OFD1: variants seen among roughly 807,000 people sequenced by gnomAD.
The protein encoded by OFD1 is centriole and centriolar satellite protein OFD1.
OFD1 carries 12 observed loss-of-function variants against 81.4 expected under a neutral mutation model. That is an observed-to-expected ratio of 0.15 (90% CI 0.09 to 0.24). The LOEUF (loss-of-function observed/expected upper bound fraction) is 0.24. OFD1 is among the 10% of genes least tolerant of loss of function. The pLI is 1.00. For missense variants in OFD1, 685 were observed against 733.9 expected (o/e 0.93, Z 0.77); for synonymous variants, 256 against 263.7 (o/e 0.97, Z 0.28).
At chrX:13,756,386 A>G (rs2047713218) in intron 12 of OFD1, among the ~76,000 whole-genome samples, 192 bp from the exon 13 acceptor site, 2 of 111,860 alleles carry the variant, frequency 1.8e-5, no homozygotes, top group Admixed American at 9.5e-5. Flanking sequence ...CGGCCTATAA[A>G]AGTTCTGCCC....
intron 6 of OFD1, among the ~76,000 whole-genome samples, chrX:13,744,721 G>A (rs1322960583): frequency 8.9e-6 from 1 of 111,947 alleles, no homozygotes; most frequent in Non-Finnish European, 1.9e-5. Flanking sequence ...TGAATGCCAG[G>A]GCTACACTGG....
At chrX:13,742,491 TA>T (rs2047143462) in intron 5 of OFD1, among the ~76,000 whole-genome samples, 1 of 112,094 alleles carries the variant, frequency 8.9e-6, no homozygotes, top group African/African-American at 3.2e-5. Flanking sequence ...TAGACTTTAT[TA>T]AAATTAAAAA....
In OFD1 at chrX:13,758,362, C is replaced by T. The variant is rs1213458790; in HGVS notation, c.1568C>T (p.Ala523Val). ...DEIEHSAQLK[A>V]QILGYKASVK... ...ATTGAGCATTCTGCACAGCTGAAGGCCCAGATTCTAGGTTACAAAGCTTCT... is the reference window on the plus strand; with the variant it reads ...ATTGAGCATTCTGCACAGCTGAAGGTCCAGATTCTAGGTTACAAAGCTTCT... Residue 523 changes from alanine to valine, a missense_variant, in exon 15 of 23, where the codon GCC becomes GTC. Coordinates refer to ENST00000340096, the MANE Select transcript of OFD1 (RefSeq NM_003611.3). 1 of 1,204,102 alleles carries T rather than the reference C, an allele frequency of 8.3e-7. No homozygotes were observed. Among genetic ancestry groups the T allele is most frequent in the Admixed American group, 2.2e-5 (1 of 45,904 alleles).
rs748207041 is a variant in OFD1 at position 13,767,482 on chromosome X, G to A, written c.2757+198G>A. Among the ~76,000 whole-genome samples the A allele has an allele frequency of 4.5e-5, 5 of 112,289 alleles. No individual in the cohort carries two copies. The South Asian group carries it at 1.5e-3, about 33-fold the overall frequency. On this transcript the variant is annotated intron_variant, in intron 20 of 22. Transcript: ENST00000340096. ...GAATGTGAAGCTTAGGAGTTTTGTAGTAAAGGATAGTTTTTGAAGGTAATT... is the reference window on the plus strand; with the variant it reads ...GAATGTGAAGCTTAGGAGTTTTGTAATAAAGGATAGTTTTTGAAGGTAATT...
chrX:13,722,207 G>GC, the OFD1 span: 301 of 8,935 alleles, frequency 0.034, 7 homozygotes, highest in African/African-American at 0.17. Context: ...TTAAGCAGCA[G>GC]CAAAAAAAAA....
downstream of OFD1, among the ~76,000 whole-genome samples, chrX:13,770,163 G>C (rs1260947209): frequency 8.9e-6 from 1 of 112,120 alleles, no homozygotes; most frequent in Non-Finnish European, 1.9e-5. Context: ...GATCACTATG[G>C]GTAATTAAGA....
intron 5 of OFD1, chrX:13,739,943 T>C (rs1052727251): frequency 1.2e-6 from 1 of 867,364 alleles, no homozygotes; most frequent in African/African-American, 2.1e-5. Flanking sequence ...TAAAATAATC[T>C]GTTAGTAATA....
intron 8 of OFD1, among the ~76,000 whole-genome samples, chrX:13,748,558 T>C (rs184858954): frequency 1.8e-5 from 2 of 112,408 alleles, no homozygotes; most frequent in Admixed American, 1.9e-4. Context: ...GGACTATATC[T>C]GTCTACCTTT....
the OFD1 span, chrX:13,722,208 C>CAGAAAAAAAAAAAAAAAAAAA: frequency 8.3e-5 from 3 of 36,116 alleles, no homozygotes; most frequent in Non-Finnish European, 1.5e-4. Flanking sequence ...TAAGCAGCAG[C>CAGAAAAAAAAAAAAAAAAAAA]AAAAAAAAAA....
intron 6 of OFD1, among the ~76,000 whole-genome samples, chrX:13,745,183 T>C (rs941523680): frequency 8.9e-6 from 1 of 112,565 alleles, no homozygotes; most frequent in Non-Finnish European, 1.9e-5. Flanking sequence ...AAATGTATTA[T>C]ATGACTATGC....
At chrX:13,738,734 C>G in intron 3 of OFD1, 112 bp from the exon 4 acceptor site, 1 of 521,126 alleles carries the variant, frequency 1.9e-6, no homozygotes, top group African/African-American at 2.3e-5. Flanking sequence ...TAGTTATAAT[C>G]TTATTTAATC....
chrX:13,744,405 TG>T lies in OFD1; in HGVS notation c.413-9del, dbSNP rs2146959237. ...GTTCTGAAACAAAACTGTATGCATA[TG>T]TTTTTTAGGTTTTCTTATGCATTTT... On this transcript the variant is annotated splice_polypyrimidine_tract_variant and intron_variant, in intron 5 of 22. Coordinates refer to ENST00000340096, the MANE Select transcript of OFD1 (RefSeq NM_003611.3). 9.6e-6 allele frequency: 10 copies of T among 1,036,465 alleles called. No homozygotes were observed. Among genetic ancestry groups the T allele is most frequent in the Non-Finnish European group, 1.4e-5 (10 of 736,902 alleles). 85.4% of individuals were successfully genotyped at this position (1,036,465 alleles called of 1,213,427 possible). A position where few individuals can be genotyped will look rare whatever the true frequency, so the allele number is the denominator to read the frequency against.
chrX:13,746,259 G>A, intron 6 of OFD1, 60 bp from the exon 7 acceptor site: 2 of 1,083,879 alleles, frequency 1.8e-6, no homozygotes, highest in Non-Finnish European at 2.6e-6. Context: ...CCAGAGGTCT[G>A]GCGTCTTACG....
the OFD1 span, among the ~76,000 whole-genome samples, chrX:13,726,782 A>G: frequency 8.9e-6 from 1 of 111,909 alleles, no homozygotes; most frequent in Non-Finnish European, 1.9e-5. Context: ...TAAATGGACT[A>G]AATGCTCCAA....
At chrX:13,772,948 G>A (rs974773697), downstream of OFD1, 7 of 1,206,461 alleles carry the variant, frequency 5.8e-6, no homozygotes, top group African/African-American at 1.8e-5. Context: ...TTCTTCCTTT[G>A]CTTTGATATC....
chrX:13,728,203 C>A, the OFD1 span, among the ~76,000 whole-genome samples: 1 of 112,161 alleles, frequency 8.9e-6, no homozygotes, highest in Admixed American at 9.4e-5. Flanking sequence ...CCTTCTGAAA[C>A]TATTCCAATC....
rs758712291 is a variant in OFD1 at position 13,751,338 on chromosome X, A to G, written c.1025A>G (p.Tyr342Cys). Reference sequence around the variant, plus strand: ...AATATAAAGAGTTTTGAGGAGACCTATGACCGAAAGCTCAAGAATGAACTT... The same window carrying G: ...AATATAAAGAGTTTTGAGGAGACCTGTGACCGAAAGCTCAAGAATGAACTT... ...EQNIKSFEET[Y>C]DRKLKNELLK... Residue 342 changes from tyrosine to cysteine, a missense_variant, in exon 10 of 23, where the codon TAT becomes TGT. Physicochemically the swap from Tyr to Cys is radical, Grantham distance 194. Transcript: ENST00000340096. 1.2e-5 allele frequency: 14 copies of G among 1,201,569 alleles called. No individual in the cohort carries two copies. Among genetic ancestry groups the G allele is most frequent in the East Asian group, 3.0e-5 (1 of 33,759 alleles).
At chrX:13,748,838 G>A (rs912915772) in intron 8 of OFD1, among the ~76,000 whole-genome samples, 8 of 111,169 alleles carry the variant, frequency 7.2e-5, no homozygotes, top group African/African-American at 2.6e-4. Flanking sequence ...AGGTAAGGGC[G>A]CCAGGTGTGG....
chrX:13,726,906 A>G, the OFD1 span, among the ~76,000 whole-genome samples: 1 of 112,080 alleles, frequency 8.9e-6, no homozygotes, highest in Admixed American at 9.4e-5. Flanking sequence ...AAAGGGATGG[A>G]GGAAGATCTA....
Sources: allele counts gnomAD v4.1 joint callset (sites outside exome capture counted in the v4.1 genomes callset), GRCh38; gene constraint gnomAD v4.1.1; transcripts MANE v1.5; gene names NCBI Gene and HGNC (gene_info 2026-07-23, HGNC 2026-07-21).